Variants in ACACA observed in about 807,000 individuals in gnomAD.
ACACA encodes the protein acetyl-CoA carboxylase alpha.
A neutral mutation model predicts 296.1 loss-of-function variants in ACACA; 103 were observed. The ratio of observed to expected loss-of-function variants is 0.35; its 90% CI spans 0.30 to 0.41. ACACA has a LOEUF of 0.41. Ranked by LOEUF, ACACA falls within the 10% of genes least tolerant of loss-of-function variation. The pLI is 1.00. For missense variants in ACACA, 1,554 were observed against 2,989.7 expected, an observed-to-expected ratio of 0.52 and a Z score of 11.20; for synonymous variants, 953 against 1,038.6, an observed-to-expected ratio of 0.92 and a Z score of 1.58.
intron 3 of ACACA, among the ~76,000 whole-genome samples, chr17:37,323,738 A>T (rs187279556): frequency 6.6e-6 from 1 of 152,358 alleles, no homozygotes; most frequent in East Asian, 1.9e-4. Context: ...TGTGGAGATA[A>T]CCTGTTCCAA....
At chr17:37,265,591 C>T (rs1321892421) in intron 10 of ACACA, among the ~76,000 whole-genome samples, 2 of 152,166 alleles carry the variant, frequency 1.3e-5, no homozygotes, top group Non-Finnish European at 2.9e-5. Context: ...GCAAATGAGA[C>T]TGCTGTTCAA....
intron 1 of ACACA, among the ~76,000 whole-genome samples, chr17:37,342,436 A>AAAAACTACATATAT (rs1555652530): frequency 1.7e-5 from 1 of 58,208 alleles, no homozygotes; most frequent in Non-Finnish European, 2.9e-5. Context: ...AAAAAAAAAA[A>AAAAACTACATATAT]ATATATATAT....
chr17:37,176,765 T>C (rs543059828), intron 41 of ACACA, among the ~76,000 whole-genome samples: 1 of 152,332 alleles, frequency 6.6e-6, no homozygotes, highest in African/African-American at 2.4e-5. Flanking sequence ...TGCTCCATTG[T>C]ATGTTCAAGC....
At chr17:37,103,023 C>G (rs1438751423) in intron 52 of ACACA, among the ~76,000 whole-genome samples, 2 of 152,046 alleles carry the variant, frequency 1.3e-5, no homozygotes, top group Admixed American at 1.3e-4. Context: ...TTTAAATGCC[C>G]ATGTGAAGGT....
intron 35 of ACACA, among the ~76,000 whole-genome samples, chr17:37,197,179 G>A (rs889614240): frequency 3.3e-5 from 5 of 152,164 alleles, no homozygotes; most frequent in East Asian, 1.9e-4. Flanking sequence ...GCTAAACTAC[G>A]AAGTATTGTA....
intron 15 of ACACA, among the ~76,000 whole-genome samples, chr17:37,252,442 G>A (rs1598318877): frequency 6.6e-6 from 1 of 152,204 alleles, no homozygotes; most frequent in Non-Finnish European, 1.5e-5. Context: ...AAGAAAAACG[G>A]TGTATAGCCA....
chr17:37,168,928 T>C (rs2076784818), intron 41 of ACACA, among the ~76,000 whole-genome samples: 1 of 152,222 alleles, frequency 6.6e-6, no homozygotes. Flanking sequence ...ATCAGCTAAA[T>C]ACATATTTAG....
chr17:37,276,024 A>G lies in ACACA; in HGVS notation c.828T>C (p.Ala276=), dbSNP rs1395727068. ...TGGAAGATGCAATCTTATCCCCTAA[A>G]GCCCACATGGCCTGGCTTGGAGGAC... is the stretch of plus-strand genomic sequence containing the variant. The part of the protein sequence containing the change: ...FMGPPSQAMW[A]LGDKIASSIV... Residue 276 remains alanine, a synonymous_variant, in exon 8 of 56, where the codon GCT becomes GCC. Coordinates refer to ENST00000616317, the MANE Select transcript of ACACA (RefSeq NM_198834.3). 6.2e-7 allele frequency: 1 copy of G among 1,614,216 alleles called. No individual in the cohort carries two copies. Among genetic ancestry groups the G allele is most frequent in the African/African-American group, 1.3e-5 (1 of 75,064 alleles).
chr17:37,242,113 A>T, intron 22 of ACACA, 60 bp from the exon 23 acceptor site: 1 of 1,242,654 alleles, frequency 8.0e-7, no homozygotes. Context: ...CCAAAGCATC[A>T]GCCTCTATAG....
chr17:37,284,503 A>G (rs573601885), intron 4 of ACACA, among the ~76,000 whole-genome samples: 1 of 152,256 alleles, frequency 6.6e-6, no homozygotes, highest in East Asian at 1.9e-4. Flanking sequence ...GTGCAGTGGC[A>G]CAATCCATAG....
Position 37,085,843 on chromosome 17 carries a change from C to T in ACACA, c.*1473G>A, listed in dbSNP as rs954782321. The T allele has an allele frequency of 7.5e-6, 3 of 399,002 alleles. No individual in the cohort carries two copies. Among genetic ancestry groups the T allele is most frequent in the Non-Finnish European group, 1.3e-5 (3 of 226,112 alleles). The allele number at this position is 399,002 out of a possible 1,614,324, so 24.7% of individuals were successfully genotyped here. A position where few individuals can be genotyped will look rare whatever the true frequency, so the allele number is the denominator to read the frequency against. On this transcript the variant is annotated 3_prime_UTR_variant, in exon 56 of 56. Transcript: ENST00000616317. Reference sequence around the variant, plus strand: ...TGTGGCTTGTCCAAGAACGTTCATACCACTGCTTCTCAAATGTCTTAGTGA... The same window carrying T: ...TGTGGCTTGTCCAAGAACGTTCATATCACTGCTTCTCAAATGTCTTAGTGA...
intron 1 of ACACA, among the ~76,000 whole-genome samples, chr17:37,392,915 G>T (rs1383533227): frequency 1.3e-5 from 2 of 152,048 alleles, no homozygotes; most frequent in African/African-American, 2.4e-5. Flanking sequence ...GGCCAAGGTG[G>T]GTGGATCACC....
intron 41 of ACACA, among the ~76,000 whole-genome samples, chr17:37,170,692 T>C (rs1406156303): frequency 6.6e-6 from 1 of 152,218 alleles, no homozygotes; most frequent in Non-Finnish European, 1.5e-5. Flanking sequence ...AACATGATAA[T>C]ATTAACATTT....
At chr17:37,161,456 A>G (rs996002110) in intron 42 of ACACA, 2 of 336,390 alleles carry the variant, frequency 5.9e-6, no homozygotes, top group Non-Finnish European at 1.1e-5. Context: ...ATTGACCGTA[A>G]GTCCTGGAAG....
chr17:37,153,018 A>G (rs1313587439), intron 43 of ACACA, among the ~76,000 whole-genome samples: 1 of 152,074 alleles, frequency 6.6e-6, no homozygotes, highest in East Asian at 1.9e-4. Context: ...TTTGTTCTGT[A>G]TCTAGACTCT....
At chr17:37,226,192 G>A in intron 26 of ACACA, 147 bp downstream of exon 26, 1 of 772,778 alleles carries the variant, frequency 1.3e-6, no homozygotes, top group Non-Finnish European at 2.3e-6. Flanking sequence ...CATACCACAT[G>A]AAAACATTTG....
At chr17:37,188,229 T>C in intron 39 of ACACA, 48 bp downstream of exon 39, 1 of 1,573,024 alleles carries the variant, frequency 6.4e-7, no homozygotes. Flanking sequence ...GAGTGTCTTA[T>C]CTGTAGGACC....
chr17:37,316,542 G>T (rs554365163), intron 3 of ACACA, among the ~76,000 whole-genome samples: 1 of 152,250 alleles, frequency 6.6e-6, no homozygotes, highest in East Asian at 1.9e-4. Context: ...ACCCTCTGAA[G>T]TAGTGTCATG....
intron 55 of ACACA, among the ~76,000 whole-genome samples, chr17:37,088,556 G>A (rs1021094778): frequency 3.9e-5 from 6 of 152,226 alleles, no homozygotes; most frequent in African/African-American, 1.4e-4. Context: ...GGAGCAGACT[G>A]AAGCCTCTAG....
Sources: gnomAD v4.1 joint callset for allele counts (sites outside exome capture counted in the v4.1 genomes callset) on GRCh38, gnomAD v4.1.1 for gene constraint, MANE v1.5 for transcripts, NCBI Gene and HGNC (gene_info 2026-07-23, HGNC 2026-07-21) for gene names.